The following SSBP3 variants were observed in gnomAD, a reference collection of about 807,000 sequenced individuals.
The protein encoded by SSBP3 is single stranded DNA binding protein 3, also known as single-stranded DNA-binding protein 3.
Under a neutral mutation model 69.6 loss-of-function variants are expected in SSBP3, and 5 were observed. That is an observed-to-expected ratio of 0.07 (90% confidence interval 0.04 to 0.15). The LOEUF is 0.15. SSBP3 is among the 10% of genes least tolerant of loss of function. The pLI is 1.00. For missense variants in SSBP3, 312 were observed against 534.0 expected (o/e 0.58, Z 4.10); for synonymous variants, 196 against 193.4 (o/e 1.01, Z -0.11).
chr1:54,394,923 T>C (rs1352681192), intron 4 of SSBP3, among the ~76,000 whole-genome samples: 1 of 151,964 alleles, frequency 6.6e-6, no homozygotes, highest in Non-Finnish European at 1.5e-5. Flanking sequence ...CAGGATGGTC[T>C]CGATCTCCTG....
chr1:54,226,562 C>T (rs1448097453), exon 18 of SSBP3: 2 of 154,526 alleles, frequency 1.3e-5, no homozygotes, highest in African/African-American at 2.4e-5. Flanking sequence ...TTGATGGCTA[C>T]AGACAATGTG....
chr1:54,269,389 A>G (rs1181559070), intron 5 of SSBP3, among the ~76,000 whole-genome samples: 1 of 152,122 alleles, frequency 6.6e-6, no homozygotes, highest in Non-Finnish European at 1.5e-5. Context: ...GGACTCTTAT[A>G]TCCACGCTCT....
At chr1:54,338,409 T>C (rs1424804720) in intron 4 of SSBP3, among the ~76,000 whole-genome samples, 2 of 152,328 alleles carry the variant, frequency 1.3e-5, no homozygotes, top group East Asian at 1.9e-4. Context: ...TGAAAAACCA[T>C]CTGTTGAATA....
intron 4 of SSBP3, among the ~76,000 whole-genome samples, chr1:54,379,326 C>G (rs545689095): frequency 9.8e-5 from 15 of 152,302 alleles, no homozygotes; most frequent in Admixed American, 6.5e-4. Context: ...CTTAAAACCA[C>G]TGCATACCAC....
chr1:54,394,804 A>C (rs1452617302), intron 4 of SSBP3, among the ~76,000 whole-genome samples: 2 of 142,380 alleles, frequency 1.4e-5, no homozygotes, highest in African/African-American at 2.7e-5. Flanking sequence ...CTGGGTTCAC[A>C]CCATTCTCCT....
intron 14 of SSBP3, among the ~76,000 whole-genome samples, chr1:54,233,703 G>A (rs1644431639): frequency 6.7e-6 from 1 of 149,966 alleles, no homozygotes; most frequent in South Asian, 2.1e-4. Flanking sequence ...CGCCCCGTCT[G>A]GGAGGGAGGT....
chr1:54,387,870 T>C (rs1281491433), intron 4 of SSBP3, among the ~76,000 whole-genome samples: 1 of 152,186 alleles, frequency 6.6e-6, no homozygotes, highest in Non-Finnish European at 1.5e-5. Context: ...GAGTCGCTTC[T>C]TAGCAAGGCC....
intron 4 of SSBP3, among the ~76,000 whole-genome samples, chr1:54,283,277 A>C (rs1645429871): frequency 7.1e-6 from 1 of 141,658 alleles, no homozygotes; most frequent in African/African-American, 2.9e-5. Flanking sequence ...TCTCATAAAA[A>C]AAAAAAAAAA....
chr1:54,281,755 G>A (rs761123587), intron 4 of SSBP3, among the ~76,000 whole-genome samples: 1 of 152,070 alleles, frequency 6.6e-6, no homozygotes, highest in Non-Finnish European at 1.5e-5. Context: ...TCCCAGGTCC[G>A]GCCCCCACTG....
chr1:54,244,661 C>T (rs548174920), intron 9 of SSBP3, among the ~76,000 whole-genome samples: 7 of 152,342 alleles, frequency 4.6e-5, no homozygotes, highest in South Asian at 2.1e-4. Context: ...CCTCGTATCA[C>T]GCGCATCTCT....
intron 5 of SSBP3, among the ~76,000 whole-genome samples, chr1:54,265,797 T>C (rs995693302): frequency 6.6e-6 from 1 of 152,242 alleles, no homozygotes; most frequent in African/African-American, 2.4e-5. Context: ...TTGATTTCCG[T>C]GTGAGCAAAG....
chr1:54,252,019 C>T (rs1042198539), intron 7 of SSBP3, among the ~76,000 whole-genome samples, 159 bp from the exon 8 acceptor site: 4 of 152,196 alleles, frequency 2.6e-5, no homozygotes, highest in African/African-American at 7.2e-5. Context: ...AAGGTTACCC[C>T]GGGCCTACCA....
At chr1:54,339,322 A>C (rs1289928642) in intron 4 of SSBP3, among the ~76,000 whole-genome samples, 2 of 152,244 alleles carry the variant, frequency 1.3e-5, no homozygotes, top group Non-Finnish European at 2.9e-5. Flanking sequence ...CAGATAGCAG[A>C]TTCTTGGCAG....
intron 4 of SSBP3, 119 bp downstream of exon 4, chr1:54,401,738 CAGAA>C (rs1293767565): frequency 6.7e-6 from 5 of 748,568 alleles, no homozygotes; most frequent in African/African-American, 1.7e-5. Flanking sequence ...GGCAGGGGAA[CAGAA>C]AGAAACGCAA....
chr1:54,226,924 T>C, exon 18 of SSBP3: 1 of 592,252 alleles, frequency 1.7e-6, no homozygotes, highest in Non-Finnish European at 3.1e-6. Context: ...TCCTTCTTGT[T>C]TTATGGAATA....
intron 4 of SSBP3, among the ~76,000 whole-genome samples, chr1:54,358,140 G>A (rs1183028119): frequency 6.6e-6 from 1 of 152,194 alleles, no homozygotes; most frequent in Non-Finnish European, 1.5e-5. Context: ...AGATGGGCAG[G>A]CTGCCACCAA....
chr1:54,405,323 T>C, intron 1 of SSBP3: 1 of 258,868 alleles, frequency 3.9e-6, no homozygotes, highest in East Asian at 8.3e-5. Flanking sequence ...TCCGGGTGCT[T>C]GGCGCGCTCT....
At chr1:54,338,398 C>T (rs1476439579) in intron 4 of SSBP3, among the ~76,000 whole-genome samples, 1 of 152,338 alleles carries the variant, frequency 6.6e-6, no homozygotes, top group Non-Finnish European at 1.5e-5. Flanking sequence ...GTATCTCACA[C>T]TGAAAAACCA....
At chr1:54,369,356 G>C (rs575645450) in intron 4 of SSBP3, among the ~76,000 whole-genome samples, 85 of 152,172 alleles carry the variant, frequency 5.6e-4, no homozygotes, top group African/African-American at 1.8e-3. Flanking sequence ...GGAAGGCAGG[G>C]AGCTAGGGTG....
Sources: gnomAD v4.1 joint callset for allele counts (sites outside exome capture counted in the v4.1 genomes callset) on GRCh38, gnomAD v4.1.1 for gene constraint, MANE v1.5 for transcripts, NCBI Gene and HGNC (gene_info 2026-07-23, HGNC 2026-07-21) for gene names.